Variants in PEX5 observed in about 807,000 individuals in gnomAD.
PEX5 encodes the protein peroxisomal biogenesis factor 5.
PEX5 carries 52 observed loss-of-function variants against 82.9 expected under a neutral mutation model. The observed-to-expected ratio is 0.63, with a 90% CI of 0.50 to 0.79. The LOEUF (loss-of-function observed/expected upper bound fraction) is 0.79. Ranked by LOEUF, PEX5 falls within the 30% of genes least tolerant of loss-of-function variation. The pLI, the probability that PEX5 is intolerant of heterozygous loss-of-function variation, is 0.00. For synonymous variants in PEX5, 300 were observed against 318.8 expected (o/e 0.94, Z 0.63); for missense variants, 719 against 815.2 (o/e 0.88, Z 1.44).
At chr12:7,200,667 C>T (rs1349614389) in intron 6 of PEX5, among the ~76,000 whole-genome samples, 1 of 152,194 alleles carries the variant, frequency 6.6e-6, no homozygotes, top group Non-Finnish European at 1.5e-5. Flanking sequence ...GCTGGCGGAT[C>T]ACTCGCGGTT....
intron 10 of PEX5, among the ~76,000 whole-genome samples, chr12:7,204,667 C>T (rs1944538665): frequency 6.6e-6 from 1 of 152,154 alleles, no homozygotes; most frequent in South Asian, 2.1e-4. Flanking sequence ...TTTGATAAGT[C>T]ACATAGGCCC....
At chr12:7,206,791 ACCTC>A (rs1395054389) in intron 10 of PEX5, among the ~76,000 whole-genome samples, 1 of 150,610 alleles carries the variant, frequency 6.6e-6, no homozygotes, top group Non-Finnish European at 1.5e-5. Flanking sequence ...ATTTAGAAAG[ACCTC>A]CACCTGTTGT....
At position 7,209,754 on chromosome 12, in the gene PEX5, G is replaced by C. The variant is rs115338343; in HGVS notation, c.1632G>C (p.Ala544=). 1.3e-6 allele frequency: 2 copies of C among 1,571,076 alleles called. No individual in the cohort carries two copies. Among genetic ancestry groups the C allele is most frequent in the Admixed American group, 1.8e-5 (1 of 55,852 alleles). Residue 544 remains alanine (A), a synonymous_variant, in exon 15 of 16, where the codon GCG becomes GCC. Coordinates refer to ENST00000675855, the MANE Select transcript of PEX5 (RefSeq NM_001351132.2). The part of the protein sequence containing the change: ...NGNQSEEAVA[A]YRRALELQPG... ...ACCAGAGTGAAGAAGCAGTAGCTGC[G>C]TACCGCCGGGCCCTCGAGCTCCAGC...
At position 7,197,440 on chromosome 12, in the gene PEX5, T is replaced by TTATA. The variant is rs377214049; in HGVS notation, c.449-1568_449-1567insATAT. Among the ~76,000 whole-genome samples, 122 of 89,072 alleles carry TTATA rather than the reference T, an allele frequency of 1.4e-3. 3 individuals are homozygous for TTATA. The highest frequency in any genetic ancestry group is 8.4e-3 in the South Asian group (18 of 2,136). The allele number at this position is 89,072 out of a possible 152,430, so 58.4% of individuals were successfully genotyped here. ...TAATTATATGTCATATACAATGTAA[T>TTATA]TATGTTATATATAATGTAATAATTA... On this transcript the variant is annotated intron_variant, in intron 5 of 15. Coordinates refer to ENST00000675855, the MANE Select transcript of PEX5 (RefSeq NM_001351132.2).
chr12:7,215,991 G>C (rs1945768871), downstream of PEX5, among the ~76,000 whole-genome samples: 3 of 151,986 alleles, frequency 2.0e-5, no homozygotes, highest in South Asian at 6.2e-4. Context: ...TTTTGAGATG[G>C]AGTTTCACTC....
chr12:7,210,308 A>AG lies in PEX5; in HGVS notation c.*90dup. 2 of 1,332,744 alleles carry AG rather than the reference A, an allele frequency of 1.5e-6. No individual in the cohort carries two copies. Among genetic ancestry groups the AG allele is most frequent in the Non-Finnish European group, 2.1e-6 (2 of 932,504 alleles). 82.6% of individuals were successfully genotyped at this position (1,332,744 alleles called of 1,614,324 possible). A position where few individuals can be genotyped will look rare whatever the true frequency, so the allele number is the denominator to read the frequency against. On this transcript the variant is annotated 3_prime_UTR_variant, in exon 16 of 16. Transcript: ENST00000675855. ...TCCCTCTCCCCAAATGGGCCTACCA[A>AG]GGGGGCGGGCTGATGACCATAAGCG...
Position 7,203,193 on chromosome 12 carries a change from G to A in PEX5, c.847-239G>A, listed in dbSNP as rs768548972. 0.39 allele frequency among the ~76,000 whole-genome samples: 10,792 copies of A among 27,834 alleles called. 2,977 individuals carry two copies. The highest frequency in any genetic ancestry group is 0.58 in the South Asian group (561 of 962). The allele number at this position is 27,834 out of a possible 152,430, so 18.3% of individuals were successfully genotyped here. On this transcript the variant is annotated intron_variant, in intron 9 of 15. Coordinates refer to ENST00000675855, the MANE Select transcript of PEX5 (RefSeq NM_001351132.2). Reference sequence around the variant, plus strand: ...ACTAAACTAAACTATGCACTGCACTGCACTGCACTGCACTGCACTGCACTG... The same window carrying A: ...ACTAAACTAAACTATGCACTGCACTACACTGCACTGCACTGCACTGCACTG...
At chr12:7,193,640 A>C (rs766674270) in intron 5 of PEX5, among the ~76,000 whole-genome samples, 5 of 152,208 alleles carry the variant, frequency 3.3e-5, no homozygotes, top group Non-Finnish European at 5.9e-5. Flanking sequence ...CTTAAGTGCT[A>C]TCTCTTATCA....
intron 6 of PEX5, 58 bp from the exon 7 acceptor site, chr12:7,201,693 G>C (rs754429735): frequency 1.0e-5 from 12 of 1,186,460 alleles, no homozygotes; most frequent in Non-Finnish European, 1.5e-5. Context: ...GGAGTGGGGA[G>C]TAGCATGGGG....
At chr12:7,216,423 G>C (rs1037227492), downstream of PEX5, among the ~76,000 whole-genome samples, 1 of 152,096 alleles carries the variant, frequency 6.6e-6, no homozygotes, top group African/African-American at 2.4e-5. Flanking sequence ...TCTTGCATAA[G>C]CTGTAATACC....
chr12:7,211,970 T>C (rs1403264915), downstream of PEX5, among the ~76,000 whole-genome samples: 680 of 39,582 alleles, frequency 0.017, 7 homozygotes, highest in African/African-American at 0.043. Context: ...TTTTTTTTTG[T>C]TTTTTTTTTT....
Position 7,208,539 on chromosome 12 carries a change from G to T in PEX5, c.1264G>T (p.Ala422Ser). 6.2e-7 allele frequency: 1 copy of T among 1,614,170 alleles called. No individual in the cohort carries two copies. Among genetic ancestry groups the T allele is most frequent in the Non-Finnish European group, 8.5e-7 (1 of 1,180,000 alleles). The change falls in exon 13 of 16, where the codon GCC becomes TCC. Residue 422 changes from alanine (A) to serine (S), a missense_variant. By Grantham distance (99) the Ala-to-Ser change is moderately conservative. Transcript: ENST00000675855. ...SFTNESLQRQ[A>S]CETLRDWLRY... Reference sequence around the variant, plus strand: ...CACCAACGAGTCCCTGCAGCGACAGGCCTGTGAAACCCTACGAGACTGGCT... The same window carrying T: ...CACCAACGAGTCCCTGCAGCGACAGTCCTGTGAAACCCTACGAGACTGGCT...
chr12:7,208,378 T>G (rs1277598501), intron 12 of PEX5, 79 bp from the exon 13 acceptor site: 1 of 1,037,732 alleles, frequency 9.6e-7, no homozygotes, highest in African/African-American at 1.6e-5. Context: ...TTTCAAAGCT[T>G]GGCTTGGATC....
At chr12:7,217,439 G>A (rs1945812070) in intron 17 of PEX5, among the ~76,000 whole-genome samples, 1 of 152,200 alleles carries the variant, frequency 6.6e-6, no homozygotes. Flanking sequence ...CTCAACTAGG[G>A]CTGGGATGTT....
intron 1 of PEX5, chr12:7,190,151 G>A: frequency 6.7e-7 from 1 of 1,488,622 alleles, no homozygotes. Flanking sequence ...GGCGCAGGCT[G>A]GAAGCGGTGG....
At chr12:7,200,575 G>A (rs1387657825) in intron 6 of PEX5, among the ~76,000 whole-genome samples, 3 of 152,086 alleles carry the variant, frequency 2.0e-5, no homozygotes, top group African/African-American at 7.2e-5. Flanking sequence ...CCGAGATCAC[G>A]CCACTGCACT....
intron 1 of PEX5, chr12:7,190,137 C>A: frequency 6.7e-7 from 1 of 1,485,834 alleles, no homozygotes; most frequent in East Asian, 2.5e-5. Flanking sequence ...GAGGCCTCTG[C>A]AGAGGCGCAG....
At chr12:7,196,089 TTA>T (rs1169136558) in intron 5 of PEX5, among the ~76,000 whole-genome samples, 16 of 138,254 alleles carry the variant, frequency 1.2e-4, no homozygotes, top group South Asian at 2.2e-4. Context: ...AATGTATTTC[TTA>T]TGTTATAACG....
intron 3 of PEX5, 48 bp downstream of exon 3, chr12:7,190,971 T>C (rs776310979): frequency 6.5e-7 from 1 of 1,548,478 alleles, no homozygotes. Context: ...TTGCCCACTG[T>C]GTTTTTACCT....
Sources: gnomAD v4.1 joint callset for allele counts (sites outside exome capture counted in the v4.1 genomes callset) on GRCh38, gnomAD v4.1.1 for gene constraint, MANE v1.5 for transcripts, NCBI Gene and HGNC (gene_info 2026-07-23, HGNC 2026-07-21) for gene names.